Variants in SLC36A1 observed in about 807,000 individuals in gnomAD.
The protein encoded by SLC36A1 is proton-coupled amino acid transporter 1.
SLC36A1 carries 30 observed loss-of-function variants against 47.5 expected under a neutral mutation model. The ratio of observed to expected loss-of-function variants is 0.63; its 90% CI spans 0.47 to 0.86. The LOEUF (loss-of-function observed/expected upper bound fraction) is 0.86. Among genes scored for constraint, SLC36A1 ranks in the 40% least tolerant of loss-of-function variants. SLC36A1 has a pLI of 0.00. For missense variants in SLC36A1, 517 were observed against 606.0 expected (o/e 0.85, Z 1.54); for synonymous variants, 255 against 249.7 (o/e 1.02, Z -0.20).
chr5:151,406,052 G>C, the SLC36A1 span, among the ~76,000 whole-genome samples: 1 of 152,184 alleles, frequency 6.6e-6, no homozygotes, highest in Non-Finnish European at 1.5e-5. Context: ...GGATGAGAGG[G>C]TAAAAGATGA....
At chr5:151,512,872 T>G in the SLC36A1 span, 2 of 494,802 alleles carry the variant, frequency 4.0e-6, no homozygotes, top group Admixed American at 3.4e-5. The surrounding 1 kb of genome is among the most constrained non-coding windows in gnomAD (Gnocchi z 4.1). Flanking sequence ...GGCCGAGAGA[T>G]GCTTTGCTGA....
At chr5:151,406,158 G>T in the SLC36A1 span, among the ~76,000 whole-genome samples, 1 of 152,214 alleles carries the variant, frequency 6.6e-6, no homozygotes, top group Non-Finnish European at 1.5e-5. Context: ...GGCCCTGGCA[G>T]TTTGCACAGC....
chr5:151,527,467 T>G, the SLC36A1 span: 10 of 1,328,160 alleles, frequency 7.5e-6, no homozygotes, highest in Non-Finnish European at 9.1e-6. Context: ...TCAAAAAAAA[T>G]AAGAAGGAGA....
At chr5:151,539,736 A>G in the SLC36A1 span, among the ~76,000 whole-genome samples, 1 of 152,226 alleles carries the variant, frequency 6.6e-6, no homozygotes, top group Non-Finnish European at 1.5e-5. Flanking sequence ...TTTAAAAGCA[A>G]AGCTCCATGA....
At chr5:151,423,599 C>A in the SLC36A1 span, among the ~76,000 whole-genome samples, 2 of 152,246 alleles carry the variant, frequency 1.3e-5, no homozygotes, top group Admixed American at 1.3e-4. Context: ...GCTATGGAGA[C>A]AGTAAACAAA....
chr5:151,507,308 C>T, the SLC36A1 span: 1 of 1,614,186 alleles, frequency 6.2e-7, no homozygotes, highest in South Asian at 1.1e-5. Context: ...GAACAGAGGC[C>T]TTGCTGGGTT....
At chr5:151,466,854 C>A (rs1055993844) in intron 5 of SLC36A1, among the ~76,000 whole-genome samples, 1 of 152,142 alleles carries the variant, frequency 6.6e-6, no homozygotes, top group Non-Finnish European at 1.5e-5. Flanking sequence ...GGAAACCACA[C>A]AGATAGCACC....
chr5:151,487,356 G>A (rs768959929), intron 10 of SLC36A1, among the ~76,000 whole-genome samples: 2 of 152,232 alleles, frequency 1.3e-5, no homozygotes, highest in African/African-American at 2.4e-5. Context: ...TGGCTCACCC[G>A]TGGCTGAGTT....
chr5:151,434,630 A>T (rs1239327290), upstream of SLC36A1, among the ~76,000 whole-genome samples: 1 of 152,190 alleles, frequency 6.6e-6, no homozygotes, highest in Non-Finnish European at 1.5e-5. Flanking sequence ...TGGACTGTGT[A>T]TTGAAATCCT....
At chr5:151,354,900 T>C in the SLC36A1 span, among the ~76,000 whole-genome samples, 5 of 152,020 alleles carry the variant, frequency 3.3e-5, no homozygotes, top group Admixed American at 1.3e-4. Flanking sequence ...AATCAGAGAA[T>C]AATTACCAGA....
chr5:151,497,867 G>T, the SLC36A1 span, among the ~76,000 whole-genome samples: 5 of 151,926 alleles, frequency 3.3e-5, no homozygotes, highest in Middle Eastern at 3.5e-3. Context: ...GGTGGAAATT[G>T]CCCACCTCAG....
the SLC36A1 span, among the ~76,000 whole-genome samples, chr5:151,499,961 G>T: frequency 6.6e-6 from 1 of 151,936 alleles, no homozygotes; most frequent in Non-Finnish European, 1.5e-5. Flanking sequence ...AAGTTGCTGT[G>T]CCACTCTTAA....
intron 2 of SLC36A1, among the ~76,000 whole-genome samples, chr5:151,460,220 C>G (rs149366715): frequency 6.6e-6 from 1 of 152,292 alleles, no homozygotes; most frequent in African/African-American, 2.4e-5. Flanking sequence ...TGCTTGTTAT[C>G]GTAAGATACT....
rs756827262 is a variant in SLC36A1 at position 151,476,583 on chromosome 5, C to T, written c.823-7C>T. The T allele has an allele frequency of 6.4e-7, 1 of 1,557,020 alleles. No individual in the cohort carries two copies. The highest frequency in any genetic ancestry group is 1.2e-5 in the South Asian group (1 of 81,700). ...ACTTTCTCTCCTCTCTCACTACTCTCTCATAGGTTCTGCCCCTGGAAAACA... is the reference window on the plus strand; with the variant it reads ...ACTTTCTCTCCTCTCTCACTACTCTTTCATAGGTTCTGCCCCTGGAAAACA... On this transcript the variant is annotated splice_polypyrimidine_tract_variant and splice_region_variant and intron_variant, in intron 8 of 10. Transcript: ENST00000243389.
At chr5:151,506,524 C>A in the SLC36A1 span, among the ~76,000 whole-genome samples, 995 of 152,318 alleles carry the variant, frequency 6.5e-3, 16 homozygotes, top group African/African-American at 0.023. Flanking sequence ...TGAGATGTGG[C>A]TCGGAAATCA....
At chr5:151,505,816 A>G in the SLC36A1 span, 8 of 1,613,278 alleles carry the variant, frequency 5.0e-6, no homozygotes, top group East Asian at 6.7e-5. Context: ...TCATTGAGAC[A>G]GGGGGCAACC....
chr5:151,397,678 C>T, the SLC36A1 span, among the ~76,000 whole-genome samples: 4 of 146,600 alleles, frequency 2.7e-5, no homozygotes, highest in East Asian at 4.2e-4. Context: ...GCGGGAGAAT[C>T]GCTTGAATCC....
the SLC36A1 span, among the ~76,000 whole-genome samples, chr5:151,346,611 A>C: frequency 6.6e-6 from 1 of 151,762 alleles, no homozygotes; most frequent in Non-Finnish European, 1.5e-5. Flanking sequence ...TCACTACCAC[A>C]CCCCACACCT....
chr5:151,506,999 C>T, the SLC36A1 span, among the ~76,000 whole-genome samples: 1 of 152,206 alleles, frequency 6.6e-6, no homozygotes, highest in African/African-American at 2.4e-5. Flanking sequence ...CTCCAGCATC[C>T]GTGCCCTGTA....
Sources: gnomAD v4.1 joint callset for allele counts (sites outside exome capture counted in the v4.1 genomes callset) on GRCh38, gnomAD v4.1.1 for gene constraint, Gnocchi (gnomAD v3.1) non-coding constraint, MANE v1.5 for transcripts, NCBI Gene and HGNC (gene_info 2026-07-23, HGNC 2026-07-21) for gene names.